The following COMMD10 variants were observed in gnomAD, a reference collection of about 807,000 sequenced individuals.
The protein encoded by COMMD10 is COMM domain containing 10, also known as COMM domain-containing protein 10.
COMMD10 carries 33 observed loss-of-function variants against 28.9 expected under a neutral mutation model. The ratio of observed to expected loss-of-function variants is 1.14; its 90% CI spans 0.87 to 1.53. The LOEUF (loss-of-function observed/expected upper bound fraction) is 1.53. COMMD10 is among the 40% of genes most tolerant of loss of function. The pLI is 0.00. For missense variants in COMMD10, 310 were observed against 233.4 expected, an observed-to-expected ratio of 1.33 and a Z score of -2.14; for synonymous variants, 110 against 81.7, an observed-to-expected ratio of 1.35 and a Z score of -1.87.
At chr5:116,192,524 C>A (rs1453031763) in intron 5 of COMMD10, among the ~76,000 whole-genome samples, 1 of 151,998 alleles carries the variant, frequency 6.6e-6, no homozygotes, top group Non-Finnish European at 1.5e-5. Flanking sequence ...ATGTGAAATG[C>A]TCTGGAAAGT....
intron 4 of COMMD10, among the ~76,000 whole-genome samples, chr5:116,133,482 G>C (rs138667737): frequency 6.6e-6 from 1 of 152,154 alleles, no homozygotes; most frequent in African/African-American, 2.4e-5. Flanking sequence ...AGTCTGTTGC[G>C]TAACACTTGC....
intron 5 of COMMD10, among the ~76,000 whole-genome samples, chr5:116,243,150 A>G (rs1225888803): frequency 6.6e-6 from 1 of 152,182 alleles, no homozygotes; most frequent in Non-Finnish European, 1.5e-5. Flanking sequence ...TTAAATGCTG[A>G]CTGCACTATG....
At chr5:116,174,256 G>C (rs1308708765) in intron 5 of COMMD10, among the ~76,000 whole-genome samples, 2 of 152,106 alleles carry the variant, frequency 1.3e-5, no homozygotes, top group Non-Finnish European at 2.9e-5. Context: ...ATGGAAGTGT[G>C]CTTGCTAAAT....
In COMMD10 at chr5:116,091,062, T is replaced by A. The variant is rs1284352403; in HGVS notation, c.133-17T>A. 3 of 1,481,154 alleles carry A rather than the reference T, an allele frequency of 2.0e-6. No individual in the cohort carries two copies. The highest frequency in any genetic ancestry group is 2.8e-6 in the Non-Finnish European group (3 of 1,071,484). The allele number at this position is 1,481,154 out of a possible 1,614,324, so 91.8% of individuals were successfully genotyped here. On this transcript the variant is annotated splice_polypyrimidine_tract_variant and intron_variant, in intron 2 of 6. Transcript: ENST00000274458. ...CTGAATATGTGCTAATATAATAGATTGCTATTTGTATTATAGGCTGAGAGC... is the reference window on the plus strand; with the variant it reads ...CTGAATATGTGCTAATATAATAGATAGCTATTTGTATTATAGGCTGAGAGC...
intron 5 of COMMD10, among the ~76,000 whole-genome samples, chr5:116,290,069 C>G (rs1284065027): frequency 6.6e-6 from 1 of 151,954 alleles, no homozygotes; most frequent in East Asian, 1.9e-4. Flanking sequence ...AGGGGTACAT[C>G]AGATCAGTTG....
chr5:116,268,531 A>T (rs557229119), intron 5 of COMMD10, among the ~76,000 whole-genome samples: 1 of 151,986 alleles, frequency 6.6e-6, no homozygotes, highest in African/African-American at 2.4e-5. Flanking sequence ...ACCATTGTGG[A>T]AGACAGTGTG....
At chr5:116,086,586 G>A (rs1328479003) in intron 1 of COMMD10, among the ~76,000 whole-genome samples, 1 of 152,122 alleles carries the variant, frequency 6.6e-6, no homozygotes, top group Admixed American at 6.5e-5. Flanking sequence ...AGCCTCCTGA[G>A]TAGCTGGGAT....
chr5:116,168,094 G>A (rs140942974), intron 5 of COMMD10, among the ~76,000 whole-genome samples: 2,101 of 145,804 alleles, frequency 0.014, 58 homozygotes, highest in African/African-American at 0.051. Context: ...CCCATCTCGT[G>A]TGCAAAGACA....
In COMMD10 at chr5:116,087,548, A is replaced by G; in HGVS notation, c.93A>G (p.Pro31=). The part of the protein sequence containing the change: ...LINAIDTGRF[P]RLLTRILQKL... The stretch of plus-strand genomic sequence containing the variant: ...ATGCAATAGATACAGGAAGATTTCC[A>G]CGGTTGCTCACTCGGATTCTTCAAA... The change falls in exon 2 of 7, where the codon CCA becomes CCG. Residue 31 remains proline, a synonymous_variant. Coordinates refer to ENST00000274458, the MANE Select transcript of COMMD10 (RefSeq NM_016144.4). 6.2e-7 allele frequency: 1 copy of G among 1,612,878 alleles called. No individual in the cohort carries two copies. The highest frequency in any genetic ancestry group is 8.5e-7 in the Non-Finnish European group (1 of 1,178,790).
At chr5:116,100,457 T>G (rs1263131303) in intron 4 of COMMD10, among the ~76,000 whole-genome samples, 1 of 151,996 alleles carries the variant, frequency 6.6e-6, no homozygotes, top group African/African-American at 2.4e-5. Context: ...GATCTTTCAT[T>G]TAAGTCTTTA....
intron 5 of COMMD10, among the ~76,000 whole-genome samples, chr5:116,156,681 C>G (rs1752721993): frequency 6.6e-6 from 1 of 152,092 alleles, no homozygotes. Context: ...TGTAGGCATT[C>G]TTTAATCTAA....
At chr5:116,259,206 G>A (rs1750373170) in intron 5 of COMMD10, among the ~76,000 whole-genome samples, 1 of 151,120 alleles carries the variant, frequency 6.6e-6, no homozygotes, top group African/African-American at 2.4e-5. Flanking sequence ...GGGATTACAG[G>A]TGCACGCCAC....
chr5:116,225,590 A>T (rs1157963907), intron 5 of COMMD10, among the ~76,000 whole-genome samples: 2 of 151,992 alleles, frequency 1.3e-5, no homozygotes, highest in Non-Finnish European at 2.9e-5. Flanking sequence ...CCCCTTGTAT[A>T]TGCACAGTGT....
At chr5:116,148,074 A>C (rs1752401366) in intron 5 of COMMD10, among the ~76,000 whole-genome samples, 1 of 151,804 alleles carries the variant, frequency 6.6e-6, no homozygotes, top group African/African-American at 2.4e-5. Context: ...ATAGTCCTTC[A>C]GCAGTACATT....
intron 5 of COMMD10, among the ~76,000 whole-genome samples, chr5:116,206,251 C>G (rs908038812): frequency 6.6e-6 from 1 of 152,118 alleles, no homozygotes; most frequent in Non-Finnish European, 1.5e-5. Context: ...TCTATTTGTT[C>G]CATTGAGTAG....
intron 4 of COMMD10, among the ~76,000 whole-genome samples, chr5:116,108,148 G>C (rs913101917): frequency 2.6e-5 from 4 of 152,168 alleles, no homozygotes; most frequent in Non-Finnish European, 4.4e-5. Flanking sequence ...GATACACAGG[G>C]GTCAGGGACC....
chr5:116,240,403 AT>A (rs1355352260), intron 5 of COMMD10, among the ~76,000 whole-genome samples: 1 of 152,192 alleles, frequency 6.6e-6, no homozygotes, highest in Non-Finnish European at 1.5e-5. Flanking sequence ...ATTAATTGTA[AT>A]ATTTTAATTA....
intron 6 of COMMD10, 24 bp downstream of exon 6, chr5:116,291,600 C>A: frequency 7.6e-7 from 1 of 1,319,620 alleles, no homozygotes; most frequent in Non-Finnish European, 1.1e-6. Context: ...AAATAATTTT[C>A]TAATATGTGG....
intron 1 of COMMD10, among the ~76,000 whole-genome samples, chr5:116,085,815 C>T (rs893105121): frequency 6.6e-5 from 10 of 152,188 alleles, no homozygotes; most frequent in African/African-American, 2.4e-4. Flanking sequence ...AAATAGTGTT[C>T]GGAAGTAATT....
Sources: allele counts gnomAD v4.1 joint callset (sites outside exome capture counted in the v4.1 genomes callset), GRCh38; gene constraint gnomAD v4.1.1; transcripts MANE v1.5; gene names NCBI Gene and HGNC (gene_info 2026-07-23, HGNC 2026-07-21).